Variants in RHBDL3 observed in about 807,000 individuals in gnomAD.
The protein encoded by RHBDL3 is rhomboid-related protein 3.
In RHBDL3, 28 loss-of-function variants were observed where a neutral mutation model predicts 48.2. That is an observed-to-expected ratio of 0.58 (90% confidence interval 0.43 to 0.80). The LOEUF (loss-of-function observed/expected upper bound fraction) is 0.80, where lower values mean the gene tolerates loss of function less well. Ranked by LOEUF, RHBDL3 falls within the 30% of genes least tolerant of loss-of-function variation. The probability of loss-of-function intolerance (pLI) is 0.00; values close to 1 mark genes in which losing one functional copy is unlikely to be tolerated. For missense variants in RHBDL3, 464 were observed against 542.7 expected, an observed-to-expected ratio of 0.85 and a Z score of 1.44; for synonymous variants, 208 against 232.3, an observed-to-expected ratio of 0.90 and a Z score of 0.95.
intron 2 of RHBDL3, among the ~76,000 whole-genome samples, chr17:32,268,994 A>G (rs9907164): frequency 0.33 from 50,478 of 151,902 alleles, 9,014 homozygotes; most frequent in African/African-American, 0.47. Flanking sequence ...AGATCTTAAT[A>G]GACCGTAGGT....
intron 5 of RHBDL3, among the ~76,000 whole-genome samples, chr17:32,295,799 A>G (rs1249983094): frequency 6.6e-6 from 1 of 152,226 alleles, no homozygotes; most frequent in Non-Finnish European, 1.5e-5. Flanking sequence ...TAAAGTTGGA[A>G]GCACCTGATT....
chr17:32,277,216 G>C lies in RHBDL3; in HGVS notation c.136-7443G>C, dbSNP rs1419993870. On this transcript the variant is annotated intron_variant, in intron 2 of 8. Coordinates refer to ENST00000269051, the MANE Select transcript of RHBDL3 (RefSeq NM_138328.3). ...CTCACATCCCTCACTGAGGTCCAGG[G>C]CCTGTCTAGAGCATGGACAGGGAGA... Among the ~76,000 whole-genome samples the C allele has an allele frequency of 3.3e-5, 5 of 152,222 alleles. No homozygotes were observed. The South Asian group carries it at 1.0e-3, about 32-fold the overall frequency.
At chr17:32,307,109 C>CA in intron 7 of RHBDL3, among the ~76,000 whole-genome samples, 1 of 152,158 alleles carries the variant, frequency 6.6e-6, no homozygotes, top group East Asian at 1.9e-4. Flanking sequence ...TATCAAAATC[C>CA]TTTTTTTGGA....
rs1352219786 is a variant in RHBDL3 at position 32,321,503 on chromosome 17, G to A, written c.*274G>A. 1.3e-6 allele frequency: 1 copy of A among 773,060 alleles called. No homozygotes were observed. Among genetic ancestry groups the A allele is most frequent in the Non-Finnish European group, 2.0e-6 (1 of 503,428 alleles). 47.9% of individuals were successfully genotyped at this position (773,060 alleles called of 1,614,324 possible). ...AGGTCTGGGGTGGGGTGTGAGAGTG[G>A]CCCTCCCTCACCTGGGCTGGGCTTC... On this transcript the variant is annotated 3_prime_UTR_variant, in exon 9 of 9. Coordinates refer to ENST00000269051, the MANE Select transcript of RHBDL3 (RefSeq NM_138328.3).
Position 32,268,034 on chromosome 17 carries a change from G to A in RHBDL3, c.135+109G>A, listed in dbSNP as rs575456210. 26 of 849,674 alleles carry A rather than the reference G, an allele frequency of 3.1e-5. No homozygotes were observed. The East Asian group carries it at 6.0e-4, about 20-fold the overall frequency. The allele number at this position is 849,674 out of a possible 1,614,324, so 52.6% of individuals were successfully genotyped here. On this transcript the variant is annotated intron_variant, in intron 2 of 8. Transcript: ENST00000269051. Reference sequence around the variant, plus strand: ...CTCCGCGCTCCTGAGATGGTGACGTGGGGTGGGGGTGTGGCTTTGTGCATC... The same window carrying A: ...CTCCGCGCTCCTGAGATGGTGACGTAGGGTGGGGGTGTGGCTTTGTGCATC...
At chr17:32,270,155 AAAG>A (rs2039739824) in intron 2 of RHBDL3, among the ~76,000 whole-genome samples, 2 of 151,080 alleles carry the variant, frequency 1.3e-5, no homozygotes, top group Admixed American at 6.6e-5. Flanking sequence ...AAAAAAAAAA[AAAG>A]AAGCAAGCAA....
At chr17:32,266,432 C>A in intron 1 of RHBDL3, 132 bp downstream of exon 1, 1 of 453,068 alleles carries the variant, frequency 2.2e-6, no homozygotes, top group Non-Finnish European at 3.8e-6. Context: ...GGCCGGGTCC[C>A]CGCGGGCAGG....
intron 7 of RHBDL3, among the ~76,000 whole-genome samples, chr17:32,313,751 C>CTTTTTTTTTTTT (rs559422433): frequency 3.0e-5 from 3 of 98,630 alleles, no homozygotes; most frequent in Non-Finnish European, 5.7e-5. Context: ...AATTCCCTCC[C>CTTTTTTTTTTTT]TTTTTTTTTT....
chr17:32,274,130 C>G (rs377585771), intron 2 of RHBDL3, among the ~76,000 whole-genome samples: 1 of 152,216 alleles, frequency 6.6e-6, no homozygotes. Flanking sequence ...TGAAAAATCA[C>G]ATTTCCCCTG....
At chr17:32,298,285 A>C in intron 6 of RHBDL3, 81 bp downstream of exon 6, 1 of 860,696 alleles carries the variant, frequency 1.2e-6, no homozygotes, top group Non-Finnish European at 1.9e-6. Context: ...GGCAAGCCCC[A>C]GGTTTCCAGG....
intron 8 of RHBDL3, among the ~76,000 whole-genome samples, chr17:32,320,419 T>C (rs1226829427): frequency 1.3e-5 from 2 of 152,104 alleles, no homozygotes; most frequent in Non-Finnish European, 2.9e-5. Context: ...CTCCACCTCC[T>C]GGGTTCAAGC....
chr17:32,294,183 C>A, intron 4 of RHBDL3, 111 bp from the exon 5 acceptor site: 1 of 825,958 alleles, frequency 1.2e-6, no homozygotes, highest in Non-Finnish European at 1.8e-6. Flanking sequence ...CCCTCTTTCT[C>A]TGAGAAGGAA....
In RHBDL3 at chr17:32,321,773, G is replaced by A. The variant is rs1173589548; in HGVS notation, c.*544G>A. ...GTCAGCTGTGACCTGGCTGAAACCA[G>A]GGTGCCCTCCTGGGCTGGTTGGTGT... On this transcript the variant is annotated 3_prime_UTR_variant, in exon 9 of 9. Transcript: ENST00000269051. 9.2e-6 allele frequency: 2 copies of A among 217,252 alleles called. No homozygotes were observed. The highest frequency in any genetic ancestry group is 1.9e-5 in the Non-Finnish European group (2 of 107,242). The allele number at this position is 217,252 out of a possible 1,614,324, so 13.5% of individuals were successfully genotyped here.
intron 7 of RHBDL3, among the ~76,000 whole-genome samples, chr17:32,309,047 C>CAG (rs10586485): frequency 6.6e-5 from 10 of 151,436 alleles, no homozygotes; most frequent in Non-Finnish European, 1.0e-4. Context: ...GCCTGGGTGA[C>CAG]AGAGAGAGAG....
At chr17:32,284,594 A>T in intron 2 of RHBDL3, 65 bp from the exon 3 acceptor site, 1 of 1,508,418 alleles carries the variant, frequency 6.6e-7, no homozygotes, top group Non-Finnish European at 9.2e-7. Context: ...AGATCAGGGC[A>T]CCCACATCAG....
At chr17:32,302,263 T>G (rs2040599406) in intron 6 of RHBDL3, among the ~76,000 whole-genome samples, 1 of 152,256 alleles carries the variant, frequency 6.6e-6, no homozygotes, top group South Asian at 2.1e-4. Flanking sequence ...TTACTGTGTT[T>G]ATGTGTACAC....
rs2150765374 is a variant in RHBDL3 at position 32,322,019 on chromosome 17, C to G, written c.*790C>G. 6.5e-6 allele frequency: 1 copy of G among 153,052 alleles called. No homozygotes were observed. The highest frequency in any genetic ancestry group is 2.4e-5 in the African/African-American group (1 of 41,390). 9.5% of individuals were successfully genotyped at this position (153,052 alleles called of 1,614,324 possible). ...GCATCTCACACGGGTGCCCCAGCCTCCATGCCCAGCCTTGTTTTAGGGTCT... is the reference window on the plus strand; with the variant it reads ...GCATCTCACACGGGTGCCCCAGCCTGCATGCCCAGCCTTGTTTTAGGGTCT... On this transcript the variant is annotated 3_prime_UTR_variant, in exon 9 of 9. Transcript: ENST00000269051.
intron 5 of RHBDL3, among the ~76,000 whole-genome samples, chr17:32,295,315 C>T (rs2040422335): frequency 6.6e-6 from 1 of 152,222 alleles, no homozygotes; most frequent in South Asian, 2.1e-4. Flanking sequence ...AAAGCAGGTG[C>T]AAGAGCTAAT....
At position 32,266,018 on chromosome 17, in the gene RHBDL3, C is replaced by G. The variant is rs1322605097; in HGVS notation, c.-172C>G. Among the ~76,000 whole-genome samples the G allele has an allele frequency of 6.9e-6, 1 of 144,396 alleles. No individual in the cohort carries two copies. Among genetic ancestry groups the G allele is most frequent in the Non-Finnish European group, 1.5e-5 (1 of 65,094 alleles). The allele number at this position is 144,396 out of a possible 152,430, so 94.7% of individuals were successfully genotyped here. A position where few individuals can be genotyped will look rare whatever the true frequency, so the allele number is the denominator to read the frequency against. On this transcript the variant is annotated 5_prime_UTR_variant, in exon 1 of 9. Coordinates refer to ENST00000269051, the MANE Select transcript of RHBDL3 (RefSeq NM_138328.3). ...GCGTCCCGGGGTCGCGAGGAGGCGG[C>G]GGCGGCGCGGGGACCGGGGCCATGG... is the stretch of plus-strand genomic sequence containing the variant.
Sources: gnomAD v4.1 joint callset for allele counts (sites outside exome capture counted in the v4.1 genomes callset) on GRCh38, gnomAD v4.1.1 for gene constraint, MANE v1.5 for transcripts, NCBI Gene and HGNC (gene_info 2026-07-23, HGNC 2026-07-21) for gene names.